The following GPR107 variants were observed in gnomAD, a reference collection of about 807,000 sequenced individuals.
GPR107 encodes protein GPR107.
In GPR107, 31 loss-of-function variants were observed where a neutral mutation model predicts 75.5. That is an observed-to-expected ratio of 0.41 (90% CI 0.31 to 0.55). GPR107 has a LOEUF of 0.55. GPR107 is among the 20% of genes least tolerant of loss of function. The pLI is 0.26. For synonymous variants in GPR107, 267 were observed against 251.3 expected, an observed-to-expected ratio of 1.06 and a Z score of -0.59; for missense variants, 572 against 665.7, an observed-to-expected ratio of 0.86 and a Z score of 1.55.
intron 14 of GPR107, among the ~76,000 whole-genome samples, chr9:130,122,380 C>G (rs2132644719): frequency 6.6e-6 from 1 of 152,268 alleles, no homozygotes; most frequent in South Asian, 2.1e-4. Context: ...CCGATGGGAA[C>G]AGCAGGTTTG....
chr9:130,093,390 G>A (rs777612779), intron 9 of GPR107, among the ~76,000 whole-genome samples: 4 of 152,108 alleles, frequency 2.6e-5, no homozygotes, highest in South Asian at 2.1e-4. Flanking sequence ...GATAGTATGC[G>A]AATATGCTAT....
At chr9:130,054,408 T>C (rs948764830) in intron 1 of GPR107, among the ~76,000 whole-genome samples, 19 of 152,302 alleles carry the variant, frequency 1.2e-4, no homozygotes, top group Non-Finnish European at 2.4e-4. Context: ...CCTTTCTTCT[T>C]TCTCCCCTCC....
intron 8 of GPR107, among the ~76,000 whole-genome samples, chr9:130,091,368 T>C (rs1391697456): frequency 6.6e-6 from 1 of 152,042 alleles, no homozygotes; most frequent in East Asian, 1.9e-4. Context: ...TACACACCTC[T>C]AGTCCCGGCT....
chr9:130,093,831 A>G (rs1230599986), intron 9 of GPR107, among the ~76,000 whole-genome samples: 1 of 150,536 alleles, frequency 6.6e-6, no homozygotes. Flanking sequence ...TTTTTTCAAG[A>G]TGGATTCTCA....
At chr9:130,060,022 G>A (rs1829889192) in intron 1 of GPR107, among the ~76,000 whole-genome samples, 2 of 151,988 alleles carry the variant, frequency 1.3e-5, no homozygotes, top group South Asian at 4.2e-4. Flanking sequence ...TTACAGGCAT[G>A]AGCCACCAGG....
intron 1 of GPR107, among the ~76,000 whole-genome samples, chr9:130,064,988 A>T (rs1830034820): frequency 6.6e-6 from 1 of 152,178 alleles, no homozygotes. Context: ...CTGTGAGAGA[A>T]CAAACTTCTG....
At chr9:130,115,859 T>G (rs1831417548) in intron 14 of GPR107, among the ~76,000 whole-genome samples, 1 of 151,834 alleles carries the variant, frequency 6.6e-6, no homozygotes, top group Non-Finnish European at 1.5e-5. Flanking sequence ...TGCCTCGGCC[T>G]CTCAAAGTGC....
intron 1 of GPR107, among the ~76,000 whole-genome samples, chr9:130,065,437 C>A (rs954852035): frequency 6.7e-6 from 1 of 149,980 alleles, no homozygotes; most frequent in Non-Finnish European, 1.5e-5. Flanking sequence ...AACTCCATCT[C>A]AAAAACATAA....
intron 14 of GPR107, among the ~76,000 whole-genome samples, chr9:130,109,357 G>A (rs1831238112): frequency 6.6e-6 from 1 of 151,916 alleles, no homozygotes; most frequent in African/African-American, 2.4e-5. Flanking sequence ...TTTTAGTACA[G>A]ATGAGGTTTC....
chr9:130,055,948 A>G (rs1829777202), intron 1 of GPR107, among the ~76,000 whole-genome samples: 1 of 151,816 alleles, frequency 6.6e-6, no homozygotes. Context: ...CTCTGTCTCA[A>G]ATAAATAAAT....
intron 17 of GPR107, among the ~76,000 whole-genome samples, chr9:130,134,278 G>A (rs191002945): frequency 4.3e-4 from 66 of 152,276 alleles, no homozygotes; most frequent in African/African-American, 1.4e-3. Context: ...GGTGGGGCCC[G>A]TGCATGTGAT....
At chr9:130,124,578 G>A (rs1257760421) in intron 14 of GPR107, among the ~76,000 whole-genome samples, 1 of 152,156 alleles carries the variant, frequency 6.6e-6, no homozygotes, top group Non-Finnish European at 1.5e-5. Flanking sequence ...GCTCTCTGGG[G>A]GGAAAAAATT....
chr9:130,135,353 C>A lies in GPR107; in HGVS notation c.*232C>A. ...CCTCTTTCAGGCGGGAATGGGAGGG[C>A]GGGCACAGGGAGGAGGAGAGGAAGA... On this transcript the variant is annotated 3_prime_UTR_variant, in exon 18 of 18. Transcript: ENST00000347136. 1.2e-5 allele frequency: 4 copies of A among 331,552 alleles called. No individual in the cohort carries two copies. The highest frequency in any genetic ancestry group is 4.4e-5 in the South Asian group (1 of 22,926). The allele number at this position is 331,552 out of a possible 1,614,324, so 20.5% of individuals were successfully genotyped here.
chr9:130,132,840 T>C (rs199778588), intron 17 of GPR107: 2 of 150,082 alleles, frequency 1.3e-5, no homozygotes, highest in Admixed American at 6.7e-5. Flanking sequence ...TATATATATA[T>C]ACACATATAC....
intron 17 of GPR107, chr9:130,129,553 A>T (rs542430300): frequency 3.9e-5 from 6 of 152,536 alleles, no homozygotes; most frequent in African/African-American, 1.2e-4. Context: ...CTCTCTGCTC[A>T]GCTCCACGGC....
intron 7 of GPR107, among the ~76,000 whole-genome samples, chr9:130,089,813 A>G (rs1354239579): frequency 6.6e-6 from 1 of 152,192 alleles, no homozygotes; most frequent in African/African-American, 2.4e-5. Context: ...CATATTAATC[A>G]TTCCAGCTCA....
chr9:130,102,474 A>G (rs991434631), intron 12 of GPR107, among the ~76,000 whole-genome samples: 1 of 152,224 alleles, frequency 6.6e-6, no homozygotes, highest in African/African-American at 2.4e-5. Flanking sequence ...ACAGACACAC[A>G]GAGTTCCATG....
At chr9:130,108,755 T>G in intron 14 of GPR107, 1 of 455,970 alleles carries the variant, frequency 2.2e-6, no homozygotes. Flanking sequence ...TTTCTCATTT[T>G]TTTCCCCTCA....
intron 1 of GPR107, among the ~76,000 whole-genome samples, chr9:130,070,366 T>A (rs1188786332): frequency 1.3e-5 from 2 of 152,068 alleles, no homozygotes; most frequent in Non-Finnish European, 2.9e-5. Flanking sequence ...TGCGGTGGCG[T>A]GATCTCGGCT....
Sources: allele counts gnomAD v4.1 joint callset (sites outside exome capture counted in the v4.1 genomes callset), GRCh38; gene constraint gnomAD v4.1.1; transcripts MANE v1.5; gene names NCBI Gene and HGNC (gene_info 2026-07-23, HGNC 2026-07-21).